Variants in ZCCHC14 observed in about 807,000 individuals in gnomAD.
ZCCHC14 encodes the protein zinc finger CCHC domain-containing protein 14.
ZCCHC14 carries 16 observed loss-of-function variants against 85.0 expected under a neutral mutation model. That is an observed-to-expected ratio of 0.19 (90% CI 0.13 to 0.29). The LOEUF (loss-of-function observed/expected upper bound fraction) is 0.29, where lower values mean the gene tolerates loss of function less well. Ranked by LOEUF, ZCCHC14 falls within the 10% of genes least tolerant of loss-of-function variation. The pLI, the probability that ZCCHC14 is intolerant of heterozygous loss-of-function variation, is 1.00. For missense variants in ZCCHC14, 1,303 were observed against 1,443.5 expected, an observed-to-expected ratio of 0.90 and a Z score of 1.58; for synonymous variants, 775 against 630.7, an observed-to-expected ratio of 1.23 and a Z score of -3.43.
intron 8 of ZCCHC14, among the ~76,000 whole-genome samples, chr16:87,415,688 CTG>C (rs1908745651): frequency 6.6e-6 from 1 of 152,206 alleles, no homozygotes. Context: ...GCCCTCTGCT[CTG>C]TGAGTAAATA....
rs1238935775 is a variant in ZCCHC14 at position 87,477,132 on chromosome 16, AAAAAAAAAACAAAAC to A, written c.570+14522_570+14536del. On this transcript the variant is annotated intron_variant, in intron 1 of 12. Transcript: ENST00000671377. ...AGAGACTCAGTCTCAAAAAAAAAAA[AAAAAAAAAACAAAAC>A]AAAACCAAAAAAAAATTGAAGTGGT... Among the ~76,000 whole-genome samples the A allele has an allele frequency of 1.6e-4, 23 of 144,870 alleles. 1 individual carries two copies. The highest frequency in any genetic ancestry group is 4.9e-4 in the African/African-American group (18 of 36,840).
At chr16:87,470,187 C>G (rs949183811) in intron 1 of ZCCHC14, among the ~76,000 whole-genome samples, 5 of 151,916 alleles carry the variant, frequency 3.3e-5, no homozygotes, top group Admixed American at 2.0e-4. Flanking sequence ...TAGAAATTAC[C>G]CGAGTGTGGT....
At chr16:87,417,994 A>G in intron 7 of ZCCHC14, 1 of 498,908 alleles carries the variant, frequency 2.0e-6, no homozygotes, top group Non-Finnish European at 3.5e-6. Context: ...GTGCATATAC[A>G]CACACATGCC....
intron 10 of ZCCHC14, among the ~76,000 whole-genome samples, chr16:87,413,773 T>G (rs1213738148): frequency 6.9e-6 from 1 of 144,044 alleles, no homozygotes; most frequent in African/African-American, 2.5e-5. Flanking sequence ...GGGTCAACAT[T>G]AAAGGCACTG....
chr16:87,424,757 A>C (rs536024870), intron 3 of ZCCHC14, among the ~76,000 whole-genome samples: 1 of 152,236 alleles, frequency 6.6e-6, no homozygotes, highest in African/African-American at 2.4e-5. Context: ...GACTTCTGAA[A>C]GGCAAATAAG....
In ZCCHC14 at chr16:87,486,448, A is replaced by G. The variant is rs545186502; in HGVS notation, c.570+5221T>C. Among the ~76,000 whole-genome samples, 12 of 152,384 alleles carry G rather than the reference A, an allele frequency of 7.9e-5. No individual in the cohort carries two copies. In the South Asian group the frequency reaches 2.3e-3, roughly 29 times the overall value. ...TTACAGCCGAGGAGCAACAGGCTCT[A>G]CAATGTGGCCCAGAGGTGTAGCGGG... On this transcript the variant is annotated intron_variant, in intron 1 of 12. Transcript: ENST00000671377.
chr16:87,426,009 G>A (rs955903997), intron 3 of ZCCHC14, among the ~76,000 whole-genome samples: 9 of 152,194 alleles, frequency 5.9e-5, no homozygotes, highest in Admixed American at 2.0e-4. Flanking sequence ...CTTTGTGTTC[G>A]GATACATTTT....
intron 4 of ZCCHC14, among the ~76,000 whole-genome samples, chr16:87,423,437 A>G (rs1323951139): frequency 6.6e-6 from 1 of 152,226 alleles, no homozygotes; most frequent in Non-Finnish European, 1.5e-5. Flanking sequence ...AGGTAGAACT[A>G]GGTGAAGTCT....
At chr16:87,424,665 C>T (rs189190551) in intron 3 of ZCCHC14, among the ~76,000 whole-genome samples, 22 of 152,228 alleles carry the variant, frequency 1.4e-4, no homozygotes, top group Admixed American at 1.3e-3. Flanking sequence ...ACATGAGGTG[C>T]TAAACAAAGC....
chr16:87,478,262 C>T (rs1250033845), intron 1 of ZCCHC14, among the ~76,000 whole-genome samples: 1 of 152,198 alleles, frequency 6.6e-6, no homozygotes, highest in Non-Finnish European at 1.5e-5. Flanking sequence ...CCTAGACCAG[C>T]CACTAAAATC....
intron 8 of ZCCHC14, among the ~76,000 whole-genome samples, chr16:87,416,911 C>T (rs897758985): frequency 6.6e-6 from 1 of 152,150 alleles, no homozygotes; most frequent in African/African-American, 2.4e-5. Context: ...GCCACCAAGC[C>T]GGTTTGCCCA....
At chr16:87,410,422 C>T in intron 12 of ZCCHC14, 87 bp from the exon 13 acceptor site, 1 of 634,478 alleles carries the variant, frequency 1.6e-6, no homozygotes, top group Non-Finnish European at 2.9e-6. Context: ...TCCAGAGCCA[C>T]TGGGCAAGAT....
intron 2 of ZCCHC14, among the ~76,000 whole-genome samples, chr16:87,446,064 G>A (rs974397616): frequency 3.3e-5 from 5 of 151,916 alleles, no homozygotes; most frequent in Admixed American, 6.6e-5. Flanking sequence ...CTATTTGGGA[G>A]GCTAAGGCAG....
intron 2 of ZCCHC14, 44 bp from the exon 3 acceptor site, chr16:87,433,245 A>G: frequency 6.4e-7 from 1 of 1,558,766 alleles, no homozygotes; most frequent in Non-Finnish European, 8.8e-7. Flanking sequence ...AAGAGCTTGA[A>G]GTATATACAT....
At chr16:87,416,107 G>C (rs961966305) in intron 8 of ZCCHC14, among the ~76,000 whole-genome samples, 1 of 151,940 alleles carries the variant, frequency 6.6e-6, no homozygotes, top group African/African-American at 2.4e-5. Flanking sequence ...TGTATTTTTA[G>C]TAGAGACGGG....
Position 87,410,315 on chromosome 16 carries a change from C to T in ZCCHC14, c.3226G>A (p.Ala1076Thr), listed in dbSNP as rs545554777. Reference protein sequence around the residue: ...NRPGTFRLKYAPPAESLDSTD With the variant: ...NRPGTFRLKYTPPAESLDSTD Reference sequence around the variant, plus strand: ...GAGTCCAGACTTTCTGCTGGAGGGGCGTATTTCAACCTAAAAGTACCTAGA... The same window carrying T: ...GAGTCCAGACTTTCTGCTGGAGGGGTGTATTTCAACCTAAAAGTACCTAGA... The change falls in exon 13 of 13, where the codon GCC becomes ACC. Residue 1076 changes from alanine to threonine, a missense_variant. This residue lies in a region of ZCCHC14 where 797 missense variants were observed against 730.8 expected (regional missense o/e 1.09). Transcript: ENST00000671377. The T allele has an allele frequency of 1.9e-5, 15 of 774,880 alleles. No individual in the cohort carries two copies. Among genetic ancestry groups the T allele is most frequent in the Admixed American group, 6.9e-5 (4 of 57,874 alleles). The allele number at this position is 774,880 out of a possible 1,614,324, so 48.0% of individuals were successfully genotyped here.
At chr16:87,437,737 G>T (rs943043027) in intron 2 of ZCCHC14, among the ~76,000 whole-genome samples, 1 of 152,224 alleles carries the variant, frequency 6.6e-6, no homozygotes, top group Admixed American at 6.5e-5. Flanking sequence ...TTTTCCTCAA[G>T]TCTTACAAGT....
rs140869047 is a variant in ZCCHC14, at chr16:87,463,397, A to G, written c.571-3266T>C. Reference sequence around the variant, plus strand: ...CCTGTCTCAAGAAAACAAAAGAAATATAACCACAGCAGAGCCCATTCGATT... The same window carrying G: ...CCTGTCTCAAGAAAACAAAAGAAATGTAACCACAGCAGAGCCCATTCGATT... On this transcript the variant is annotated intron_variant, in intron 1 of 12. Transcript: ENST00000671377. Among the ~76,000 whole-genome samples, 61 of 152,300 alleles carry G rather than the reference A, an allele frequency of 4.0e-4. No individual in the cohort carries two copies. In the East Asian group the frequency reaches 8.9e-3, roughly 22 times the overall value.
intron 10 of ZCCHC14, 132 bp downstream of exon 10, chr16:87,414,282 G>A: frequency 7.6e-7 from 1 of 1,320,390 alleles, no homozygotes; most frequent in Non-Finnish European, 1.1e-6. Flanking sequence ...CCGGCACACG[G>A]GCCCTCTCTG....
Sources: gnomAD v4.1 joint callset for allele counts (sites outside exome capture counted in the v4.1 genomes callset) on GRCh38, gnomAD v4.1.1 for gene constraint, gnomAD v4.1.1 regional missense constraint, MANE v1.5 for transcripts, NCBI Gene and HGNC (gene_info 2026-07-23, HGNC 2026-07-21) for gene names.